Variants in THOC2 observed in about 807,000 individuals in gnomAD.
THOC2 encodes the protein THO complex 2.
A neutral mutation model predicts 128.4 loss-of-function variants in THOC2; 10 were observed. That is an observed-to-expected ratio of 0.08 (90% CI 0.05 to 0.13). THOC2 has a LOEUF of 0.13. Ranked by LOEUF, THOC2 falls within the 10% of genes least tolerant of loss-of-function variation. The pLI, the probability that THOC2 is intolerant of heterozygous loss-of-function variation, is 1.00. For missense variants in THOC2, 535 were observed against 1,155.7 expected, an observed-to-expected ratio of 0.46 and a Z score of 7.79; for synonymous variants, 393 against 396.9, an observed-to-expected ratio of 0.99 and a Z score of 0.12.
chrX:123,633,882 T>C, intron 20 of THOC2, 71 bp downstream of exon 20: 1 of 655,386 alleles, frequency 1.5e-6, no homozygotes, highest in African/African-American at 2.2e-5. Flanking sequence ...ACATATTGTT[T>C]GGATTCTTTA....
chrX:123,681,528 A>C (rs2049781537), intron 8 of THOC2, among the ~76,000 whole-genome samples: 1 of 112,268 alleles, frequency 8.9e-6, no homozygotes, highest in East Asian at 2.8e-4. Flanking sequence ...CCAAGTATAG[A>C]ACAAATACAG....
chrX:123,688,188 T>C lies in THOC2; in HGVS notation c.602-1474A>G, dbSNP rs59658707. 6.5e-3 allele frequency among the ~76,000 whole-genome samples: 733 copies of C among 112,013 alleles called. 3 individuals are homozygous for C. Among genetic ancestry groups the C allele is most frequent in the African/African-American group, 0.022 (680 of 30,860 alleles). ...GTTCACGGCAGGTTTATCTGTAATA[T>C]ACAATACTCCTCAAATGTCCATCAA... On this transcript the variant is annotated intron_variant, in intron 7 of 38. Transcript: ENST00000245838.
At chrX:123,695,652 T>C (rs2050418763) in intron 7 of THOC2, among the ~76,000 whole-genome samples, 1 of 111,838 alleles carries the variant, frequency 8.9e-6, no homozygotes, top group Non-Finnish European at 1.9e-5. Flanking sequence ...TGAGAAATAC[T>C]TAAAAATAGA....
At chrX:123,698,767 A>T (rs1427059740) in intron 4 of THOC2, among the ~76,000 whole-genome samples, 1 of 106,392 alleles carries the variant, frequency 9.4e-6, no homozygotes, top group Admixed American at 1.0e-4. Flanking sequence ...TACAGCTACT[A>T]GGGAGGCTGA....
intron 15 of THOC2, among the ~76,000 whole-genome samples, chrX:123,643,697 AC>A (rs2048017718): frequency 9.2e-6 from 1 of 108,476 alleles, no homozygotes; most frequent in Admixed American, 1.0e-4. Context: ...CACCTATTAT[AC>A]TAGGTTGTTT....
chrX:123,729,384 C>T (rs1239740215), intron 1 of THOC2, among the ~76,000 whole-genome samples: 1 of 111,768 alleles, frequency 8.9e-6, no homozygotes, highest in Non-Finnish European at 1.9e-5. Flanking sequence ...ATAAAACATT[C>T]TTCAAAGTCA....
intron 15 of THOC2, among the ~76,000 whole-genome samples, chrX:123,641,531 A>G: frequency 9.0e-6 from 1 of 111,499 alleles, no homozygotes; most frequent in East Asian, 2.8e-4. Flanking sequence ...TAGAAAAGAG[A>G]GACCATTAGT....
At chrX:123,611,164 C>T (rs1237190787) in intron 37 of THOC2, among the ~76,000 whole-genome samples, 1 of 111,099 alleles carries the variant, frequency 9.0e-6, no homozygotes, top group African/African-American at 3.3e-5. Context: ...CTCTCTGTTC[C>T]CTTTCTTCCT....
chrX:123,623,386 G>A, intron 28 of THOC2, 103 bp from the exon 29 acceptor site: 1 of 839,645 alleles, frequency 1.2e-6, no homozygotes, highest in Non-Finnish European at 1.6e-6. Flanking sequence ...CTACTATGTG[G>A]TTCTAGAGAA....
At chrX:123,676,483 G>T (rs1298923169) in intron 8 of THOC2, among the ~76,000 whole-genome samples, 1 of 110,903 alleles carries the variant, frequency 9.0e-6, no homozygotes, top group African/African-American at 3.3e-5. Context: ...TAGAGCTCTA[G>T]AATATAGTAA....
At chrX:123,611,818 A>G (rs1010900294) in intron 36 of THOC2, among the ~76,000 whole-genome samples, 9 of 107,602 alleles carry the variant, frequency 8.4e-5, no homozygotes, top group African/African-American at 2.4e-4. Context: ...AACTCTTACA[A>G]CTGAGCAACA....
chrX:123,713,932 A>G (rs1003843351), intron 1 of THOC2, among the ~76,000 whole-genome samples: 6 of 111,307 alleles, frequency 5.4e-5, no homozygotes, highest in Non-Finnish European at 9.4e-5. Flanking sequence ...AAATCTGATC[A>G]AGCCATCTAG....
At position 123,626,550 on chromosome X, in the gene THOC2, T is replaced by C. The variant is rs1403304532; in HGVS notation, c.2870A>G (p.Lys957Arg). The C allele has an allele frequency of 1.7e-6, 2 of 1,182,248 alleles. No homozygotes were observed. Among genetic ancestry groups the C allele is most frequent in the Admixed American group, 5.4e-5 (2 of 36,719 alleles). Residue 957 changes from lysine to arginine, a missense_variant, in exon 24 of 39, where the codon AAA (lysine) becomes AGA (arginine). By Grantham distance (26) the Lys-to-Arg change is conservative. This residue lies in a region of THOC2 where 90 missense variants were observed against 298.6 expected (regional missense o/e 0.30). Transcript: ENST00000245838. ...TAAAAGCCAGTTGTCCTTTTCCAGT[T>C]TCAATCTCTGTAGAACTCTCTGTAC... Reference protein sequence around the residue: ...EHVQRVLQRLKLEKDNWLLAK... With the variant: ...EHVQRVLQRLRLEKDNWLLAK...
At chrX:123,642,237 A>G (rs1006058853) in intron 15 of THOC2, among the ~76,000 whole-genome samples, 6 of 111,103 alleles carry the variant, frequency 5.4e-5, no homozygotes, top group Non-Finnish European at 1.1e-4. Context: ...CAGCCTGGCC[A>G]ACATGGTGAA....
chrX:123,623,344 T>C, intron 28 of THOC2, 61 bp from the exon 29 acceptor site: 2 of 1,036,209 alleles, frequency 1.9e-6, no homozygotes, highest in Admixed American at 6.3e-5. Flanking sequence ...AAACATGAGG[T>C]TTTTAAGAAT....
intron 12 of THOC2, among the ~76,000 whole-genome samples, chrX:123,664,725 G>C (rs930701309): frequency 3.6e-5 from 4 of 111,943 alleles, no homozygotes; most frequent in African/African-American, 1.3e-4. Flanking sequence ...AGGAGGTGGA[G>C]AAATAGGAAC....
intron 8 of THOC2, among the ~76,000 whole-genome samples, chrX:123,678,308 C>T (rs6648537): frequency 0.31 from 31,679 of 103,609 alleles, 4,061 homozygotes; most frequent in East Asian, 0.66. Flanking sequence ...CTCTGTCACC[C>T]AGGCTGCAGT....
chrX:123,654,627 C>T (rs192425248), intron 12 of THOC2, among the ~76,000 whole-genome samples: 5 of 105,800 alleles, frequency 4.7e-5, no homozygotes, highest in East Asian at 3.0e-4. Context: ...GCATGGTGGG[C>T]GCGCACCTGT....
At chrX:123,609,807 G>T (rs1459859400) in intron 38 of THOC2, among the ~76,000 whole-genome samples, 2 of 110,936 alleles carry the variant, frequency 1.8e-5, no homozygotes, top group Non-Finnish European at 3.8e-5. Flanking sequence ...GAGGCAGGTG[G>T]ATCACGAGGT....
Sources: gnomAD v4.1 joint callset for allele counts (sites outside exome capture counted in the v4.1 genomes callset) on GRCh38, gnomAD v4.1.1 for gene constraint, gnomAD v4.1.1 regional missense constraint, MANE v1.5 for transcripts, NCBI Gene and HGNC (gene_info 2026-07-23, HGNC 2026-07-21) for gene names.